OSBPL3: variants seen among roughly 807,000 people sequenced by gnomAD.
OSBPL3 encodes the protein oxysterol-binding protein-related protein 3.
In OSBPL3, 65 loss-of-function variants were observed where a neutral mutation model predicts 120.1. The observed-to-expected ratio is 0.54, with a 90% CI of 0.44 to 0.67. The LOEUF (loss-of-function observed/expected upper bound fraction) is 0.67, where lower values mean the gene tolerates loss of function less well. OSBPL3 is among the 30% of genes least tolerant of loss of function. The pLI, the probability that OSBPL3 is intolerant of heterozygous loss-of-function variation, is 0.00. For synonymous variants in OSBPL3, 416 were observed against 402.6 expected (o/e 1.03, Z -0.40); for missense variants, 1,004 against 1,082.1 (o/e 0.93, Z 1.01).
In OSBPL3 at chr7:24,916,747, G is replaced by A. The variant is rs1321770931; in HGVS notation, c.-149-24126C>T. On this transcript the variant is annotated intron_variant, in intron 1 of 22. Transcript: ENST00000313367. This position sits in a 1 kb window ranked among gnomAD's most constrained non-coding sequence, Gnocchi z 4.9. Reference sequence around the variant, plus strand: ...TAGTAGGGAAGTGTAGAAACCTCCCGATAATGTAGATAAGAAAAAAACGTG... The same window carrying A: ...TAGTAGGGAAGTGTAGAAACCTCCCAATAATGTAGATAAGAAAAAAACGTG... 3.3e-5 allele frequency among the ~76,000 whole-genome samples: 5 copies of A among 151,998 alleles called. No individual in the cohort carries two copies. Among genetic ancestry groups the A allele is most frequent in the Admixed American group, 6.6e-5 (1 of 15,254 alleles).
At position 24,820,791 on chromosome 7, in the gene OSBPL3, AT is replaced by A. The variant is rs200147800; in HGVS notation, c.1885-554del. 2.8e-5 allele frequency among the ~76,000 whole-genome samples: 4 copies of A among 145,270 alleles called. No individual in the cohort carries two copies. Among genetic ancestry groups the A allele is most frequent in the African/African-American group, 5.3e-5 (2 of 37,468 alleles). On this transcript the variant is annotated intron_variant, in intron 16 of 22. Coordinates refer to ENST00000313367, the MANE Select transcript of OSBPL3 (RefSeq NM_015550.4). The surrounding 1 kb of genome is among the most constrained non-coding windows in gnomAD (Gnocchi z 4.6). ...CCTACAAGAAGACCAATGCAAGGTA[AT>A]TTTTTTAAAAAAGAGTGTTTCTATT... is the stretch of plus-strand genomic sequence containing the variant.
intron 1 of OSBPL3, among the ~76,000 whole-genome samples, chr7:24,951,373 C>T (rs1010169564): frequency 3.6e-4 from 54 of 152,070 alleles, no homozygotes; most frequent in African/African-American, 1.3e-3. Flanking sequence ...TTATATGTAA[C>T]TTCATATTCC....
intron 13 of OSBPL3, among the ~76,000 whole-genome samples, chr7:24,841,568 G>A (rs186845635): frequency 6.6e-5 from 10 of 151,436 alleles, no homozygotes; most frequent in African/African-American, 2.4e-4. Context: ...TGGGGCGCAC[G>A]CCTGTATTCC....
At position 24,804,174 on chromosome 7, in the gene OSBPL3, G is replaced by A. The variant is rs959313902; in HGVS notation, c.2567+141C>T. 1.2e-5 allele frequency: 11 copies of A among 950,798 alleles called. No individual in the cohort carries two copies. Among genetic ancestry groups the A allele is most frequent in the Non-Finnish European group, 1.5e-5 (9 of 617,302 alleles). 58.9% of individuals were successfully genotyped at this position (950,798 alleles called of 1,614,324 possible). Reference sequence around the variant, plus strand: ...GCGGGGGACAGGGCCTGGCACAGAGGAGCAGTACCCCCACGTGGAAGCAGG... The same window carrying A: ...GCGGGGGACAGGGCCTGGCACAGAGAAGCAGTACCCCCACGTGGAAGCAGG... On this transcript the variant is annotated intron_variant, in intron 22 of 22. Coordinates refer to ENST00000313367, the MANE Select transcript of OSBPL3 (RefSeq NM_015550.4). The surrounding 1 kb of genome is among the most constrained non-coding windows in gnomAD (Gnocchi z 5.4).
In OSBPL3 at chr7:24,975,054, T is replaced by C. The variant is rs529494188; in HGVS notation, c.-150+4832A>G. 2.0e-5 allele frequency among the ~76,000 whole-genome samples: 3 copies of C among 152,292 alleles called. No homozygotes were observed. The East Asian group carries it at 5.8e-4, about 29-fold the overall frequency. On this transcript the variant is annotated intron_variant, in intron 1 of 22. Transcript: ENST00000313367. ...GTCTAGACAGGGAAGCAGGAGCCAA[T>C]TCAGAAAGGGTCTTTCAAATCTGCT...
In OSBPL3 at chr7:24,827,990, C is replaced by T. The variant is rs140723078; in HGVS notation, c.1884+2778G>A. Among the ~76,000 whole-genome samples the T allele has an allele frequency of 1.3e-5, 2 of 152,300 alleles. No individual in the cohort carries two copies. Among genetic ancestry groups the T allele is most frequent in the Non-Finnish European group, 2.9e-5 (2 of 68,024 alleles). On this transcript the variant is annotated intron_variant, in intron 16 of 22. Transcript: ENST00000313367. This position sits in a 1 kb window ranked among gnomAD's most constrained non-coding sequence, Gnocchi z 5.1. ...TTTCTTTCATCAAGTCATTCCTCAG[C>T]CTCCTCTCTGCCTTGTCAACACTCC...
Position 24,852,638 on chromosome 7 carries a change from T to C in OSBPL3, c.1028-4A>G, listed in dbSNP as rs777642025. ...GCTGACCTTAAAGTGAAGTAAACTA[T>C]AGAGATAGAATCATTATAAAAAGGA... On this transcript the variant is annotated splice_polypyrimidine_tract_variant and splice_region_variant and intron_variant, in intron 10 of 22. Transcript: ENST00000313367. This position sits in a 1 kb window ranked among gnomAD's most constrained non-coding sequence, Gnocchi z 4.1. The C allele has an allele frequency of 3.7e-5, 58 of 1,561,238 alleles. No homozygotes were observed. In the East Asian group the frequency reaches 1.3e-3, roughly 34 times the overall value.
intron 20 of OSBPL3, 143 bp downstream of exon 20, chr7:24,809,664 G>T: frequency 1.5e-6 from 1 of 684,280 alleles, no homozygotes; most frequent in Non-Finnish European, 2.4e-6. Context: ...ATGAAGGAAA[G>T]AGGGCCTACA....
intron 1 of OSBPL3, among the ~76,000 whole-genome samples, chr7:24,951,887 A>G (rs945771116): frequency 3.3e-5 from 5 of 152,234 alleles, no homozygotes; most frequent in Non-Finnish European, 5.9e-5. Context: ...TTCAGCTCAA[A>G]TGAATAAACA....
rs780503353 is a variant in OSBPL3, at chr7:24,817,497, T to C, written c.1949-809A>G. 3.3e-5 allele frequency among the ~76,000 whole-genome samples: 5 copies of C among 151,370 alleles called. No homozygotes were observed. Among genetic ancestry groups the C allele is most frequent in the Non-Finnish European group, 7.4e-5 (5 of 67,918 alleles). On this transcript the variant is annotated intron_variant, in intron 17 of 22. Transcript: ENST00000313367. The surrounding 1 kb of genome is among the most constrained non-coding windows in gnomAD (Gnocchi z 4.0). Reference sequence around the variant, plus strand: ...CTCCAGCCTGGGTGATGGAGTGAGATTCTGCCAAAAAAAACAAAACAAAAC... The same window carrying C: ...CTCCAGCCTGGGTGATGGAGTGAGACTCTGCCAAAAAAAACAAAACAAAAC...
Position 24,842,223 on chromosome 7 carries a change from T to A in OSBPL3, c.1401+56A>T, listed in dbSNP as rs1797865913. 5.8e-6 allele frequency: 9 copies of A among 1,564,388 alleles called. No individual in the cohort carries two copies. The South Asian group carries it at 6.9e-5, about 12-fold the overall frequency. On this transcript the variant is annotated intron_variant, in intron 13 of 22. Transcript: ENST00000313367. ...ATGGATTATTTACTGAACAGATTAATCAGCAAAGCAACAAGAGAGATTTTT... is the reference window on the plus strand; with the variant it reads ...ATGGATTATTTACTGAACAGATTAAACAGCAAAGCAACAAGAGAGATTTTT...
At chr7:24,971,131 T>A (rs543173903) in intron 1 of OSBPL3, among the ~76,000 whole-genome samples, 17 of 152,214 alleles carry the variant, frequency 1.1e-4, no homozygotes, top group Admixed American at 2.0e-4. Flanking sequence ...ACATCCATCC[T>A]CTGATCCTCG....
chr7:24,862,710 G>A lies in OSBPL3; in HGVS notation c.870+490C>T, dbSNP rs1367129320. Among the ~76,000 whole-genome samples, 1 of 152,150 alleles carries A rather than the reference G, an allele frequency of 6.6e-6. No homozygotes were observed. Among genetic ancestry groups the A allele is most frequent in the Non-Finnish European group, 1.5e-5 (1 of 68,026 alleles). ...CTCCTAGCATGACACAGTGAATCCT[G>A]GATGAGGGATTGGGAGTTTGGAGAT... On this transcript the variant is annotated intron_variant, in intron 9 of 22. Transcript: ENST00000313367. The surrounding 1 kb of genome is among the most constrained non-coding windows in gnomAD (Gnocchi z 4.4).
intron 1 of OSBPL3, among the ~76,000 whole-genome samples, chr7:24,974,803 T>C (rs1483916783): frequency 2.6e-5 from 4 of 152,202 alleles, no homozygotes; most frequent in Non-Finnish European, 5.9e-5. Flanking sequence ...GGCAAATCCA[T>C]ACAGGCATAA....
chr7:24,944,060 A>G (rs1329214446), intron 1 of OSBPL3, among the ~76,000 whole-genome samples: 1 of 148,468 alleles, frequency 6.7e-6, no homozygotes, highest in Non-Finnish European at 1.5e-5. Context: ...GAAATTTAAA[A>G]TTTTCCAGTC....
intron 19 of OSBPL3, among the ~76,000 whole-genome samples, chr7:24,812,631 C>T (rs1334383232): frequency 1.3e-5 from 2 of 152,100 alleles, no homozygotes; most frequent in Non-Finnish European, 2.9e-5. Context: ...GGCATTTCTC[C>T]ATAAATCAAA....
At chr7:24,893,760 G>T (rs1010203103) in intron 1 of OSBPL3, among the ~76,000 whole-genome samples, 11 of 151,794 alleles carry the variant, frequency 7.2e-5, no homozygotes, top group African/African-American at 4.8e-5. Context: ...GGGGGGACGG[G>T]GGGGTGGAGG....
rs2128467875 is a variant in OSBPL3 at position 24,932,169 on chromosome 7, TG to T, written c.-149-39549del. Among the ~76,000 whole-genome samples, 1 of 152,370 alleles carries T rather than the reference TG, an allele frequency of 6.6e-6. No homozygotes were observed. The highest frequency in any genetic ancestry group is 1.9e-4 in the East Asian group (1 of 5,186). On this transcript the variant is annotated intron_variant, in intron 1 of 22. Transcript: ENST00000313367. The surrounding 1 kb of genome is among the most constrained non-coding windows in gnomAD (Gnocchi z 5.6). ...TCTTATTTAATTAATAAGAAATGAA[TG>T]GGCACATTTGTCCCACTTTAAAGCT...
Position 24,936,305 on chromosome 7 carries a change from A to G in OSBPL3, c.-150+43581T>C, listed in dbSNP as rs1390093631. 6.6e-6 allele frequency among the ~76,000 whole-genome samples: 1 copy of G among 152,208 alleles called. No homozygotes were observed. The highest frequency in any genetic ancestry group is 1.5e-5 in the Non-Finnish European group (1 of 68,020). On this transcript the variant is annotated intron_variant, in intron 1 of 22. Transcript: ENST00000313367. This position sits in a 1 kb window ranked among gnomAD's most constrained non-coding sequence, Gnocchi z 4.2. ...ACTTAGGGCTAACTTTTCCTCTCAC[A>G]ATCCACAAACATGAATACGTTCTTT...
Sources: gnomAD v4.1 joint callset for allele counts (sites outside exome capture counted in the v4.1 genomes callset) on GRCh38, gnomAD v4.1.1 for gene constraint, Gnocchi (gnomAD v3.1) non-coding constraint, MANE v1.5 for transcripts, NCBI Gene and HGNC (gene_info 2026-07-23, HGNC 2026-07-21) for gene names.